The following DPP6 variants were observed in gnomAD, a reference collection of about 807,000 sequenced individuals.
DPP6 encodes A-type potassium channel modulatory protein DPP6.
A neutral mutation model predicts 122.6 loss-of-function variants in DPP6; 69 were observed. That is an observed-to-expected ratio of 0.56 (90% CI 0.46 to 0.69). DPP6 has a LOEUF of 0.69. Among genes scored for constraint, DPP6 ranks in the 30% least tolerant of loss-of-function variants. DPP6 has a pLI of 0.00. For missense variants in DPP6, 928 were observed against 1,116.9 expected, an observed-to-expected ratio of 0.83 and a Z score of 2.41; for synonymous variants, 418 against 433.1, an observed-to-expected ratio of 0.97 and a Z score of 0.43.
Position 154,437,408 on chromosome 7 carries a change from G to A in DPP6, c.244-8806G>A, listed in dbSNP as rs187779460. Reference sequence around the variant, plus strand: ...CTTTGAGACCCGTGAACATTCTGCCGTGCCAACTGTCTTGGCTGGCATTTG... The same window carrying A: ...CTTTGAGACCCGTGAACATTCTGCCATGCCAACTGTCTTGGCTGGCATTTG... On this transcript the variant is annotated intron_variant, in intron 1 of 25. Coordinates refer to ENST00000377770, the MANE Select transcript of DPP6 (RefSeq NM_130797.4). Among the ~76,000 whole-genome samples, 10 of 152,196 alleles carry A rather than the reference G, an allele frequency of 6.6e-5. No homozygotes were observed. The East Asian group carries it at 1.2e-3, about 18-fold the overall frequency.
chr7:154,534,553 A>G (rs1828086179), intron 3 of DPP6, among the ~76,000 whole-genome samples: 1 of 151,664 alleles, frequency 6.6e-6, no homozygotes, highest in Non-Finnish European at 1.5e-5. Context: ...CACAAAATCA[A>G]TAGACAAAAT....
the DPP6 span, among the ~76,000 whole-genome samples, chr7:153,823,758 A>G: frequency 1.2e-4 from 18 of 152,052 alleles, no homozygotes; most frequent in Non-Finnish European, 1.5e-5. Context: ...CTGCATGCTG[A>G]AAAGGGTGAA....
intron 1 of DPP6, among the ~76,000 whole-genome samples, chr7:153,922,986 T>A (rs192778316): frequency 6.6e-6 from 1 of 152,356 alleles, no homozygotes; most frequent in Non-Finnish European, 1.5e-5. Flanking sequence ...TGATCATTTT[T>A]AATAAACCCA....
At chr7:154,416,872 T>C (rs1817071812) in intron 1 of DPP6, among the ~76,000 whole-genome samples, 1 of 151,138 alleles carries the variant, frequency 6.6e-6, no homozygotes, top group Non-Finnish European at 1.5e-5. Context: ...GGCCTGTGGC[T>C]AGCTGGCTCC....
rs538400750 is a variant in DPP6 at position 154,011,687 on chromosome 7, G to A, written c.51+123953G>A. ...AGCATTGGTTGGTGCTGGTAGCCAA[G>A]GCTGTCCAACAAAAAAAGCGAGTTT... On this transcript the variant is annotated intron_variant, in intron 1 of 25. Coordinates refer to the DPP6 transcript ENST00000404039. Among the ~76,000 whole-genome samples the A allele has an allele frequency of 3.3e-5, 5 of 152,286 alleles. No individual in the cohort carries two copies. The East Asian group carries it at 9.6e-4, about 29-fold the overall frequency.
intron 4 of DPP6, among the ~76,000 whole-genome samples, chr7:154,553,745 G>A (rs929098129): frequency 6.6e-6 from 1 of 151,960 alleles, no homozygotes; most frequent in Non-Finnish European, 1.5e-5. Context: ...GGCTGAGGCC[G>A]CCATTCCATT....
chr7:154,213,955 G>A (rs2150813964), intron 1 of DPP6, among the ~76,000 whole-genome samples: 1 of 152,266 alleles, frequency 6.6e-6, no homozygotes, highest in East Asian at 1.9e-4. Context: ...GTAACATGAG[G>A]GCTGAGCAAA....
chr7:154,127,792 A>G (rs926889719), intron 1 of DPP6, among the ~76,000 whole-genome samples: 10 of 152,162 alleles, frequency 6.6e-5, no homozygotes, highest in African/African-American at 2.2e-4. Flanking sequence ...TTCCCTTTCT[A>G]AAGCTGTTCT....
At chr7:154,433,415 C>A (rs1563663511) in intron 1 of DPP6, among the ~76,000 whole-genome samples, 1 of 151,620 alleles carries the variant, frequency 6.6e-6, no homozygotes, top group Non-Finnish European at 1.5e-5. Flanking sequence ...GTGATCCGGC[C>A]GCCTCAGCCT....
chr7:154,122,851 G>C (rs150642785), intron 1 of DPP6, among the ~76,000 whole-genome samples: 2 of 150,964 alleles, frequency 1.3e-5, no homozygotes, highest in African/African-American at 5.0e-5. Flanking sequence ...ATCACTGTGC[G>C]CCCTTTGACC....
chr7:154,849,385 T>A (rs1328352660), intron 16 of DPP6, among the ~76,000 whole-genome samples: 1 of 152,224 alleles, frequency 6.6e-6, no homozygotes, highest in Non-Finnish European at 1.5e-5. Context: ...AGTATACATA[T>A]TTTTTACTTC....
chr7:154,350,026 C>T (rs1055523932), intron 1 of DPP6, among the ~76,000 whole-genome samples: 1 of 152,132 alleles, frequency 6.6e-6, no homozygotes, highest in African/African-American at 2.4e-5. Context: ...AGGAGGAGGA[C>T]AGGCAGACCT....
In DPP6 at chr7:154,052,886, G is replaced by T; in HGVS notation, c.66G>T (p.Pro22=). ...INTSRSFPAP[P]EASHLLGGQG... is the part of the protein sequence containing the mutation. The stretch of plus-strand genomic sequence containing the variant: ...CCTCGAGGTCCTTCCCCGCGCCCCC[G>T]GAGGCGAGTCACCTCCTGGGCGGCC... The change falls in exon 1 of 26, where the codon CCG becomes CCT. Residue 22 remains proline, a synonymous_variant. Coordinates refer to ENST00000377770, the MANE Select transcript of DPP6 (RefSeq NM_130797.4). The surrounding 1 kb of genome is among the most constrained non-coding windows in gnomAD (Gnocchi z 4.8). The T allele has an allele frequency of 6.5e-7, 1 of 1,531,868 alleles. No homozygotes were observed. Among genetic ancestry groups the T allele is most frequent in the South Asian group, 1.2e-5 (1 of 83,846 alleles). 94.9% of individuals were successfully genotyped at this position (1,531,868 alleles called of 1,614,324 possible).
At chr7:154,712,803 A>G (rs903512778) in intron 7 of DPP6, among the ~76,000 whole-genome samples, 12 of 152,160 alleles carry the variant, frequency 7.9e-5, no homozygotes, top group African/African-American at 2.9e-4. Context: ...ATGGGTGGGG[A>G]CACAGCCAAA....
intron 7 of DPP6, among the ~76,000 whole-genome samples, chr7:154,691,727 G>A (rs911369535): frequency 2.0e-5 from 3 of 152,142 alleles, no homozygotes; most frequent in Non-Finnish European, 4.4e-5. Flanking sequence ...GCTGAGGCAG[G>A]AGAATCGCTT....
At chr7:153,918,715 C>T (rs1800492849) in intron 1 of DPP6, among the ~76,000 whole-genome samples, 1 of 151,986 alleles carries the variant, frequency 6.6e-6, no homozygotes, top group Non-Finnish European at 1.5e-5. Flanking sequence ...CATGGTGGCT[C>T]AAGCCTGTAA....
At chr7:153,952,480 A>T (rs1676336687) in intron 1 of DPP6, among the ~76,000 whole-genome samples, 2 of 152,240 alleles carry the variant, frequency 1.3e-5, no homozygotes, top group Non-Finnish European at 2.9e-5. Flanking sequence ...AATTAAAGAA[A>T]GTGTTTTATT....
chr7:153,902,185 G>C (rs1020002834), intron 1 of DPP6, among the ~76,000 whole-genome samples: 1 of 152,198 alleles, frequency 6.6e-6, no homozygotes, highest in African/African-American at 2.4e-5. Flanking sequence ...TAGCCAGGCA[G>C]ATGCAACCCA....
chr7:154,564,262 A>AG (rs1830602965), intron 4 of DPP6, among the ~76,000 whole-genome samples: 2 of 152,296 alleles, frequency 1.3e-5, no homozygotes, highest in Non-Finnish European at 2.9e-5. Flanking sequence ...GAATAGGAGG[A>AG]GAAAAATGGA....
Sources: gnomAD v4.1 joint callset for allele counts (sites outside exome capture counted in the v4.1 genomes callset) on GRCh38, gnomAD v4.1.1 for gene constraint, Gnocchi (gnomAD v3.1) non-coding constraint, MANE v1.5 for transcripts, NCBI Gene and HGNC (gene_info 2026-07-23, HGNC 2026-07-21) for gene names.